Variants in MEIS2 observed in about 807,000 individuals in gnomAD.
MEIS2 encodes Meis homeobox 2, also known as homeobox protein Meis2.
A neutral mutation model predicts 58.6 loss-of-function variants in MEIS2; 9 were observed. That is an observed-to-expected ratio of 0.15 (90% CI 0.09 to 0.27). The LOEUF is 0.27. Ranked by LOEUF, MEIS2 falls within the 10% of genes least tolerant of loss-of-function variation. MEIS2 has a pLI of 1.00. For synonymous variants in MEIS2, 221 were observed against 228.4 expected (o/e 0.97, Z 0.29); for missense variants, 427 against 635.0 (o/e 0.67, Z 3.52).
chr15:37,084,830 C>T (rs1277235242), intron 6 of MEIS2, among the ~76,000 whole-genome samples: 1 of 152,094 alleles, frequency 6.6e-6, no homozygotes, highest in Non-Finnish European at 1.5e-5. Flanking sequence ...TGAAGGCAGG[C>T]AAGAGATGGA....
At chr15:36,895,985 A>T (rs1326545704) in intron 10 of MEIS2, among the ~76,000 whole-genome samples, 2 of 152,226 alleles carry the variant, frequency 1.3e-5, no homozygotes, top group African/African-American at 2.4e-5. Flanking sequence ...CCCTCAGTAA[A>T]CTGAGGAAAT....
chr15:36,977,549 T>G (rs1055949066), intron 8 of MEIS2, among the ~76,000 whole-genome samples: 1 of 152,126 alleles, frequency 6.6e-6, no homozygotes, highest in African/African-American at 2.4e-5. Flanking sequence ...CAGCACAGAG[T>G]TGTCATATTA....
chr15:36,977,157 C>T (rs551262761), intron 8 of MEIS2, among the ~76,000 whole-genome samples: 1 of 147,044 alleles, frequency 6.8e-6, no homozygotes, highest in Admixed American at 6.7e-5. Context: ...ACAAAAAATT[C>T]AGGGGAGGTG....
chr15:37,031,847 G>T (rs1385637241), intron 8 of MEIS2, among the ~76,000 whole-genome samples: 1 of 151,688 alleles, frequency 6.6e-6, no homozygotes, highest in East Asian at 1.9e-4. Flanking sequence ...GTGTGTGTGT[G>T]TGTGTGTGTG....
rs1389054149 is a variant in MEIS2 at position 36,891,969 on chromosome 15, T to C, written c.*204A>G. 1 of 614,718 alleles carries C rather than the reference T, an allele frequency of 1.6e-6. No individual in the cohort carries two copies. The highest frequency in any genetic ancestry group is 2.9e-6 in the Non-Finnish European group (1 of 349,816). The allele number at this position is 614,718 out of a possible 1,614,324, so 38.1% of individuals were successfully genotyped here. On this transcript the variant is annotated 3_prime_UTR_variant, in exon 12 of 12. Coordinates refer to ENST00000561208, the MANE Select transcript of MEIS2 (RefSeq NM_170675.5). ...AGTCTTTTTCCAGAGGATCTTTACA[T>C]GGACAGAATTGTCTCAGTCAGCCCA...
At chr15:37,050,314 G>A (rs551491657) in intron 7 of MEIS2, among the ~76,000 whole-genome samples, 1 of 152,230 alleles carries the variant, frequency 6.6e-6, no homozygotes, top group African/African-American at 2.4e-5. Context: ...TATGTTATGG[G>A]TATAGTTTGT....
At chr15:37,050,969 A>C (rs2062893800) in intron 7 of MEIS2, 1 of 152,266 alleles carries the variant, frequency 6.6e-6, no homozygotes, top group Non-Finnish European at 1.5e-5. Flanking sequence ...GACCTCAGTC[A>C]AAAGATTAAC....
At chr15:37,062,206 A>C (rs1039919157) in intron 7 of MEIS2, among the ~76,000 whole-genome samples, 1 of 152,212 alleles carries the variant, frequency 6.6e-6, no homozygotes, top group Non-Finnish European at 1.5e-5. Flanking sequence ...TGTGGCACTA[A>C]CTTGACAAGC....
At chr15:36,950,541 G>A (rs911241792) in intron 8 of MEIS2, 141 bp from the exon 9 acceptor site, 1 of 773,162 alleles carries the variant, frequency 1.3e-6, no homozygotes, top group Admixed American at 2.4e-5. Context: ...CATGTGTTGA[G>A]AAATGTGGGC....
chr15:36,900,474 A>C (rs2056411598), intron 9 of MEIS2, among the ~76,000 whole-genome samples: 1 of 152,216 alleles, frequency 6.6e-6, no homozygotes, highest in African/African-American at 2.4e-5. Context: ...TAGAAAATGC[A>C]TGAGTATGTG....
chr15:36,976,689 CAG>C (rs1302009228), intron 8 of MEIS2, among the ~76,000 whole-genome samples: 1 of 151,824 alleles, frequency 6.6e-6, no homozygotes, highest in African/African-American at 2.4e-5. Context: ...AAAAAATTAA[CAG>C]ATTAATAGAA....
chr15:37,080,007 A>G (rs1303038773), intron 7 of MEIS2, among the ~76,000 whole-genome samples: 3 of 152,174 alleles, frequency 2.0e-5, no homozygotes, highest in Non-Finnish European at 4.4e-5. Flanking sequence ...TTGCTGCAAA[A>G]TGTACAAAAT....
At chr15:36,999,951 C>T (rs546368239) in intron 8 of MEIS2, among the ~76,000 whole-genome samples, 27 of 152,192 alleles carry the variant, frequency 1.8e-4, no homozygotes, top group African/African-American at 6.3e-4. Context: ...ACTGGCAAGT[C>T]AAAGAGTCAC....
At chr15:37,003,419 C>A (rs990914664) in intron 8 of MEIS2, among the ~76,000 whole-genome samples, 1 of 151,810 alleles carries the variant, frequency 6.6e-6, no homozygotes, top group Non-Finnish European at 1.5e-5. Context: ...AGACTTCATA[C>A]ATTTTGATTT....
chr15:36,929,625 G>A (rs1423171548), intron 9 of MEIS2, among the ~76,000 whole-genome samples: 1 of 152,194 alleles, frequency 6.6e-6, no homozygotes, highest in Non-Finnish European at 1.5e-5. Flanking sequence ...GAAGCACCAT[G>A]AAGGCAGAGG....
chr15:36,915,896 A>T (rs2057255175), intron 9 of MEIS2, among the ~76,000 whole-genome samples: 1 of 152,230 alleles, frequency 6.6e-6, no homozygotes, highest in Non-Finnish European at 1.5e-5. Context: ...CAAAATATTT[A>T]AAGTTAGCAC....
At chr15:37,001,287 A>G (rs943911041) in intron 8 of MEIS2, among the ~76,000 whole-genome samples, 1 of 152,030 alleles carries the variant, frequency 6.6e-6, no homozygotes, top group African/African-American at 2.4e-5. Flanking sequence ...CCTCTTCTCT[A>G]GAGTCCTCAG....
At chr15:37,064,673 T>A (rs1304073338) in intron 7 of MEIS2, among the ~76,000 whole-genome samples, 4 of 152,158 alleles carry the variant, frequency 2.6e-5, no homozygotes, top group Non-Finnish European at 5.9e-5. Flanking sequence ...TCCTAGAACT[T>A]GAGCAAAGGA....
intron 9 of MEIS2, among the ~76,000 whole-genome samples, chr15:36,935,515 A>T (rs1443468436): frequency 6.6e-6 from 1 of 152,196 alleles, no homozygotes; most frequent in East Asian, 1.9e-4. Flanking sequence ...ACAAAAATCT[A>T]ATAATAATCA....
Sources: allele counts gnomAD v4.1 joint callset (sites outside exome capture counted in the v4.1 genomes callset), GRCh38; gene constraint gnomAD v4.1.1; transcripts MANE v1.5; gene names NCBI Gene and HGNC (gene_info 2026-07-23, HGNC 2026-07-21).